PARD3B: variants seen among roughly 807,000 people sequenced by gnomAD.
PARD3B encodes the protein par-3 family cell polarity regulator beta.
PARD3B carries 103 observed loss-of-function variants against 130.2 expected under a neutral mutation model. That is an observed-to-expected ratio of 0.79 (90% confidence interval 0.67 to 0.93). The LOEUF (loss-of-function observed/expected upper bound fraction) is 0.93, where lower values mean the gene tolerates loss of function less well. Ranked by LOEUF, PARD3B falls within the 40% of genes least tolerant of loss-of-function variation. PARD3B has a pLI of 0.00. For missense variants in PARD3B, 1,609 were observed against 1,499.2 expected (o/e 1.07, Z -1.21); for synonymous variants, 583 against 553.2 (o/e 1.05, Z -0.76).
chr2:204,686,086 A>G (rs2037064418), intron 1 of PARD3B, 95 bp from the exon 2 acceptor site: 2 of 847,574 alleles, frequency 2.4e-6, no homozygotes, highest in Non-Finnish European at 3.8e-6. Flanking sequence ...ACTAGAACAT[A>G]TTTTTAACAA....
At chr2:205,102,478 A>G (rs1438490171) in intron 4 of PARD3B, among the ~76,000 whole-genome samples, 1 of 151,988 alleles carries the variant, frequency 6.6e-6, no homozygotes, top group African/African-American at 2.4e-5. Flanking sequence ...ATCTGTAAGC[A>G]TATATCAAGC....
In PARD3B at chr2:204,961,811, G is replaced by A. The variant is rs540587302; in HGVS notation, c.223-3341G>A. Among the ~76,000 whole-genome samples, 8 of 152,246 alleles carry A rather than the reference G, an allele frequency of 5.3e-5. No homozygotes were observed. The South Asian group carries it at 1.7e-3, about 32-fold the overall frequency. On this transcript the variant is annotated intron_variant, in intron 2 of 22. Coordinates refer to ENST00000406610, the MANE Select transcript of PARD3B (RefSeq NM_001302769.2). The stretch of plus-strand genomic sequence containing the variant: ...ACCTGTGTCCTGAAGTAAAGCCAGA[G>A]AAGCACCTTTGGATTTAGGAATCTA...
chr2:205,594,785 G>T (rs1388299104), intron 22 of PARD3B, among the ~76,000 whole-genome samples: 1 of 152,164 alleles, frequency 6.6e-6, no homozygotes. Flanking sequence ...TCTGTTAGAG[G>T]ATTTCCTACC....
At chr2:205,474,950 A>G (rs1048262533) in intron 20 of PARD3B, among the ~76,000 whole-genome samples, 1 of 152,176 alleles carries the variant, frequency 6.6e-6, no homozygotes, top group Non-Finnish European at 1.5e-5. Context: ...AGAAGTTTTC[A>G]GCTCGCCTCA....
intron 19 of PARD3B, among the ~76,000 whole-genome samples, chr2:205,432,650 T>A (rs1447957917): frequency 6.6e-6 from 1 of 152,136 alleles, no homozygotes; most frequent in Non-Finnish European, 1.5e-5. Flanking sequence ...TTAAGTAAAT[T>A]TAGTGCCTTT....
intron 18 of PARD3B, among the ~76,000 whole-genome samples, chr2:205,303,285 C>T (rs2042076322): frequency 6.6e-6 from 1 of 152,154 alleles, no homozygotes; most frequent in Admixed American, 6.5e-5. Context: ...TTTTACTTAA[C>T]TGGCATTATC....
chr2:205,217,856 GTGTGTGTGTGTGTATA>G, intron 15 of PARD3B, among the ~76,000 whole-genome samples: 1 of 82,126 alleles, frequency 1.2e-5, no homozygotes, highest in African/African-American at 6.0e-5. Context: ...GTGTGTGTGT[GTGTGTGTGTGTGTATA>G]TATATATATA....
At chr2:204,861,607 G>A (rs908384965) in intron 2 of PARD3B, among the ~76,000 whole-genome samples, 2 of 152,064 alleles carry the variant, frequency 1.3e-5, no homozygotes, top group African/African-American at 4.8e-5. Context: ...ATGCCTCTGA[G>A]CCACCAAAAT....
intron 19 of PARD3B, among the ~76,000 whole-genome samples, chr2:205,429,159 T>G: frequency 6.6e-6 from 1 of 152,346 alleles, no homozygotes; most frequent in Middle Eastern, 3.4e-3. Flanking sequence ...TACAAATGTG[T>G]ATTATATATT....
chr2:204,593,766 T>A (rs2033170112), intron 1 of PARD3B, among the ~76,000 whole-genome samples: 1 of 152,192 alleles, frequency 6.6e-6, no homozygotes, highest in African/African-American at 2.4e-5. Flanking sequence ...CTGCAGAATT[T>A]GTGCTTTTCT....
intron 2 of PARD3B, among the ~76,000 whole-genome samples, chr2:204,847,999 G>A (rs564751620): frequency 4.6e-5 from 7 of 152,156 alleles, no homozygotes; most frequent in Admixed American, 4.6e-4. Context: ...GATCACGTAG[G>A]TATTCTATCA....
Position 205,089,921 on chromosome 2 carries a change from G to A in PARD3B, c.505-14505G>A, listed in dbSNP as rs1020338095. On this transcript the variant is annotated intron_variant, in intron 4 of 22. Coordinates refer to ENST00000406610, the MANE Select transcript of PARD3B (RefSeq NM_001302769.2). ...GATTCTATAGAACTATCATTTTTGC[G>A]TCCAGTTGCCATTCCTTCTGAAGAG... Among the ~76,000 whole-genome samples the A allele has an allele frequency of 4.6e-5, 7 of 152,082 alleles. No homozygotes were observed. The East Asian group carries it at 7.7e-4, about 17-fold the overall frequency.
intron 21 of PARD3B, among the ~76,000 whole-genome samples, chr2:205,541,541 G>A (rs1001421760): frequency 6.6e-6 from 1 of 152,028 alleles, no homozygotes; most frequent in Non-Finnish European, 1.5e-5. Context: ...TAGAGACGGG[G>A]TTTTGCCATG....
At chr2:204,885,325 G>A (rs1223532870) in intron 2 of PARD3B, among the ~76,000 whole-genome samples, 1 of 152,018 alleles carries the variant, frequency 6.6e-6, no homozygotes, top group African/African-American at 2.4e-5. Flanking sequence ...TAATGGGGTT[G>A]TTTTTTTCTT....
At chr2:205,322,587 A>G (rs2042787990) in intron 18 of PARD3B, among the ~76,000 whole-genome samples, 1 of 152,212 alleles carries the variant, frequency 6.6e-6, no homozygotes, top group African/African-American at 2.4e-5. Context: ...ACTCGTGCAC[A>G]TGACCACATA....
At position 204,936,887 on chromosome 2, in the gene PARD3B, T is replaced by G. The variant is rs565868204; in HGVS notation, c.223-28265T>G. ...GTAAAAACACACATAGAATTTGATA[T>G]ATAAGAAAGATGGACTATGTACCAG... On this transcript the variant is annotated intron_variant, in intron 2 of 22. Transcript: ENST00000406610. Among the ~76,000 whole-genome samples, 6 of 152,354 alleles carry G rather than the reference T, an allele frequency of 3.9e-5. No individual in the cohort carries two copies. In the South Asian group the frequency reaches 1.2e-3, roughly 32 times the overall value.
intron 1 of PARD3B, among the ~76,000 whole-genome samples, chr2:204,601,325 A>T (rs1218097260): frequency 6.6e-6 from 1 of 152,000 alleles, no homozygotes; most frequent in Non-Finnish European, 1.5e-5. Context: ...GAAATCAAGC[A>T]GGCACGCTGA....
chr2:205,510,190 A>C (rs902305625), intron 21 of PARD3B, among the ~76,000 whole-genome samples: 2 of 152,200 alleles, frequency 1.3e-5, no homozygotes, highest in Admixed American at 6.5e-5. Context: ...TGTCTCCTTG[A>C]AGTACTATGA....
chr2:205,036,443 CTA>C (rs568692497), intron 3 of PARD3B, among the ~76,000 whole-genome samples: 206 of 145,194 alleles, frequency 1.4e-3, no homozygotes, highest in South Asian at 4.8e-3. Flanking sequence ...ATATAGTGGA[CTA>C]TATATATAAA....
Sources: gnomAD v4.1 joint callset for allele counts (sites outside exome capture counted in the v4.1 genomes callset) on GRCh38, gnomAD v4.1.1 for gene constraint, MANE v1.5 for transcripts, NCBI Gene and HGNC (gene_info 2026-07-23, HGNC 2026-07-21) for gene names.